The following USP3 variants were observed in gnomAD, a reference collection of about 807,000 sequenced individuals.
The protein encoded by USP3 is ubiquitin specific peptidase 3, also known as ubiquitin carboxyl-terminal hydrolase 3.
USP3 carries 20 observed loss-of-function variants against 72.3 expected under a neutral mutation model. That is an observed-to-expected ratio of 0.28 (90% CI 0.19 to 0.40). The LOEUF is 0.40. Ranked by LOEUF, USP3 falls within the 10% of genes least tolerant of loss-of-function variation. USP3 has a pLI of 1.00. For missense variants in USP3, 479 were observed against 633.9 expected (o/e 0.76, Z 2.62); for synonymous variants, 222 against 225.3 (o/e 0.99, Z 0.13).
intron 5 of USP3, 78 bp from the exon 6 acceptor site, chr15:63,558,028 C>T (rs2066541426): frequency 2.7e-6 from 4 of 1,484,624 alleles, no homozygotes; most frequent in Non-Finnish European, 3.8e-6. Flanking sequence ...ATTTCAGAGG[C>T]CTTTCCTTAG....
intron 6 of USP3, among the ~76,000 whole-genome samples, chr15:63,558,518 T>C (rs2066549167): frequency 6.6e-6 from 1 of 152,000 alleles, no homozygotes; most frequent in African/African-American, 2.4e-5. Context: ...TAGTAAACAT[T>C]TTAGTATTTC....
In USP3 at chr15:63,570,948, C is replaced by T. The variant is rs1462320029; in HGVS notation, c.908+369C>T. Among the ~76,000 whole-genome samples, 2 of 152,164 alleles carry T rather than the reference C, an allele frequency of 1.3e-5. No individual in the cohort carries two copies. The highest frequency in any genetic ancestry group is 2.9e-5 in the Non-Finnish European group (2 of 68,006). ...AATATTTGTTCACTAAAAACAAAAG[C>T]TTAAAACATTTTGAATGTGAACTTT... On this transcript the variant is annotated intron_variant, in intron 9 of 14. Coordinates refer to ENST00000380324, the MANE Select transcript of USP3 (RefSeq NM_006537.4). The surrounding 1 kb of genome is among the most constrained non-coding windows in gnomAD (Gnocchi z 4.4).
intron 2 of USP3, 94 bp from the exon 3 acceptor site, chr15:63,536,928 CTTT>C: frequency 7.7e-7 from 1 of 1,297,248 alleles, no homozygotes; most frequent in Non-Finnish European, 1.0e-6. Flanking sequence ...TATAGGATTT[CTTT>C]ATTTTGATTT....
At position 63,504,810 on chromosome 15, in the gene USP3, C is replaced by T; in HGVS notation, c.71C>T (p.Pro24Leu). The T allele has an allele frequency of 1.2e-6, 2 of 1,610,050 alleles. No individual in the cohort carries two copies. Among genetic ancestry groups the T allele is most frequent in the Non-Finnish European group, 1.7e-6 (2 of 1,178,576 alleles). The change falls in exon 1 of 15, where the codon CCG becomes CTG. Residue 24 changes from proline (P) to leucine (L), a missense_variant. Pro to Leu is a moderately conservative substitution (Grantham distance 98). Coordinates refer to ENST00000380324, the MANE Select transcript of USP3 (RefSeq NM_006537.4). ...PDSAKFPNGS[P>L]SSWCCSVCRS... ...TCAGCCAAGTTCCCCAACGGCTCCC[C>T]GTCGTCCTGGTGCTGCAGCGGTGAG...
Position 63,526,480 on chromosome 15 carries a change from G to T in USP3, c.92-6167G>T, listed in dbSNP as rs570223900. ...AGCACACAGTATGTACTATATAAATGTTAACTAAATGAAAATGAACTTGCT... is the reference window on the plus strand; with the variant it reads ...AGCACACAGTATGTACTATATAAATTTTAACTAAATGAAAATGAACTTGCT... On this transcript the variant is annotated intron_variant, in intron 1 of 14. Transcript: ENST00000380324. Among the ~76,000 whole-genome samples the T allele has an allele frequency of 7.9e-5, 12 of 152,280 alleles. No individual in the cohort carries two copies. In the South Asian group the frequency reaches 1.9e-3, roughly 24 times the overall value.
intron 11 of USP3, among the ~76,000 whole-genome samples, chr15:63,583,472 T>A (rs920147734): frequency 1.3e-5 from 2 of 152,190 alleles, no homozygotes; most frequent in African/African-American, 4.8e-5. Flanking sequence ...AACAATTTTT[T>A]AAAAAATTGT....
intron 11 of USP3, among the ~76,000 whole-genome samples, chr15:63,585,426 C>G (rs1385143561): frequency 6.6e-6 from 1 of 152,072 alleles, no homozygotes; most frequent in Non-Finnish European, 1.5e-5. Context: ...TCTTTTGTCT[C>G]CTTAAATGTA....
At chr15:63,589,352 CTACTT>C (rs1317566844) in intron 14 of USP3, among the ~76,000 whole-genome samples, 1 of 152,196 alleles carries the variant, frequency 6.6e-6, no homozygotes, top group Non-Finnish European at 1.5e-5. Flanking sequence ...TCCATATCAT[CTACTT>C]TAAAGACTCA....
rs1049225903 is a variant in USP3, at chr15:63,533,986, C to T, written c.152+1279C>T. ...CAGAAGTCTCGTAGTGCTCTACAAC[C>T]TAAATCTTGATGGTCATGTGCCAAT... On this transcript the variant is annotated intron_variant, in intron 2 of 14. Transcript: ENST00000380324. 3 of 576,410 alleles carry T rather than the reference C, an allele frequency of 5.2e-6. No individual in the cohort carries two copies. In the African/African-American group the frequency reaches 6.1e-5, roughly 12 times the overall value. 35.7% of individuals were successfully genotyped at this position (576,410 alleles called of 1,614,324 possible).
In USP3 at chr15:63,504,666, G is replaced by C. The variant is rs551488327; in HGVS notation, c.-74G>C. The C allele has an allele frequency of 1.4e-3, 1,810 of 1,312,082 alleles. 7 individuals carry two copies. Among genetic ancestry groups the C allele is most frequent in the Non-Finnish European group, 1.7e-3 (1,610 of 973,750 alleles). The allele number at this position is 1,312,082 out of a possible 1,614,324, so 81.3% of individuals were successfully genotyped here. On this transcript the variant is annotated 5_prime_UTR_variant, in exon 1 of 15. Transcript: ENST00000380324. ...CCGGCTAGAAGCGACACCAGACGGA[G>C]CCTCCGGAGTTCCTCCGCCCCCACC... is the stretch of plus-strand genomic sequence containing the variant.
In USP3 at chr15:63,504,691, C is replaced by A; in HGVS notation, c.-49C>A. ...GCCTCCGGAGTTCCTCCGCCCCCACCTCGCCGGGTCCTGGAGCCGCAGTCC... is the reference window on the plus strand; with the variant it reads ...GCCTCCGGAGTTCCTCCGCCCCCACATCGCCGGGTCCTGGAGCCGCAGTCC... On this transcript the variant is annotated 5_prime_UTR_variant, in exon 1 of 15. Coordinates refer to ENST00000380324, the MANE Select transcript of USP3 (RefSeq NM_006537.4). 6.7e-7 allele frequency: 1 copy of A among 1,492,756 alleles called. No homozygotes were observed. The highest frequency in any genetic ancestry group is 9.0e-7 in the Non-Finnish European group (1 of 1,108,410). 92.5% of individuals were successfully genotyped at this position (1,492,756 alleles called of 1,614,324 possible).
chr15:63,522,708 C>T (rs1371291657), intron 1 of USP3, among the ~76,000 whole-genome samples: 1 of 152,196 alleles, frequency 6.6e-6, no homozygotes, highest in Non-Finnish European at 1.5e-5. Flanking sequence ...TTCTAAGTGA[C>T]TTGGCTTGTA....
At chr15:63,518,800 C>T (rs947184435) in intron 1 of USP3, among the ~76,000 whole-genome samples, 1 of 151,868 alleles carries the variant, frequency 6.6e-6, no homozygotes, top group East Asian at 1.9e-4. Flanking sequence ...GAGTCTTGCT[C>T]CGTTGCCCAG....
At chr15:63,579,803 A>T (rs1035151079) in intron 11 of USP3, among the ~76,000 whole-genome samples, 1 of 152,216 alleles carries the variant, frequency 6.6e-6, no homozygotes, top group Non-Finnish European at 1.5e-5. Flanking sequence ...CATGAGTAAG[A>T]TATAAATGAT....
At chr15:63,557,197 A>T (rs1050666487) in intron 5 of USP3, among the ~76,000 whole-genome samples, 9 of 152,032 alleles carry the variant, frequency 5.9e-5, no homozygotes, top group African/African-American at 1.9e-4. Context: ...CAGCCTCCCA[A>T]GGGGGTGGGA....
intron 1 of USP3, among the ~76,000 whole-genome samples, chr15:63,512,636 G>T (rs931801134): frequency 6.6e-6 from 1 of 151,828 alleles, no homozygotes; most frequent in Non-Finnish European, 1.5e-5. Context: ...GTAGAGACGG[G>T]GTTTCACTGT....
At chr15:63,565,055 A>T (rs1343008629) in intron 8 of USP3, among the ~76,000 whole-genome samples, 1 of 152,010 alleles carries the variant, frequency 6.6e-6, no homozygotes, top group Non-Finnish European at 1.5e-5. Context: ...TCCCAAAGAA[A>T]TTTTTTTTAG....
Position 63,504,653 on chromosome 15 carries a change from G to C in USP3, c.-87G>C. 8.3e-7 allele frequency: 1 copy of C among 1,200,662 alleles called. No homozygotes were observed. The highest frequency in any genetic ancestry group is 1.1e-6 in the Non-Finnish European group (1 of 889,674). 74.4% of individuals were successfully genotyped at this position (1,200,662 alleles called of 1,614,324 possible). A position where few individuals can be genotyped will look rare whatever the true frequency, so the allele number is the denominator to read the frequency against. On this transcript the variant is annotated 5_prime_UTR_variant, in exon 1 of 15. Transcript: ENST00000380324. ...GTCGGCCGAGCGCCCGGCTAGAAGC[G>C]ACACCAGACGGAGCCTCCGGAGTTC... is the stretch of plus-strand genomic sequence containing the variant.
rs2066042442 is a variant in USP3, at chr15:63,529,927, T to C, written c.92-2720T>C. On this transcript the variant is annotated intron_variant, in intron 1 of 14. Transcript: ENST00000380324. This position sits in a 1 kb window ranked among gnomAD's most constrained non-coding sequence, Gnocchi z 4.2. The stretch of plus-strand genomic sequence containing the variant: ...AGGGAGGATTGCTTGAGCTAAGGGA[T>C]TCAAGACCAGTCTAGGCAACATAGT... Among the ~76,000 whole-genome samples the C allele has an allele frequency of 1.3e-5, 2 of 152,114 alleles. No individual in the cohort carries two copies. The highest frequency in any genetic ancestry group is 2.9e-5 in the Non-Finnish European group (2 of 68,020).
Sources: allele counts gnomAD v4.1 joint callset (sites outside exome capture counted in the v4.1 genomes callset), GRCh38; gene constraint gnomAD v4.1.1; non-coding constraint Gnocchi (gnomAD v3.1); transcripts MANE v1.5; gene names NCBI Gene and HGNC (gene_info 2026-07-23, HGNC 2026-07-21).